DYNC2H1: variants seen among roughly 807,000 people sequenced by gnomAD.
DYNC2H1 encodes cytoplasmic dynein 2 heavy chain 1.
In DYNC2H1, 410 loss-of-function variants were observed where a neutral mutation model predicts 570.0. The ratio of observed to expected loss-of-function variants is 0.72; its 90% CI spans 0.66 to 0.78. The LOEUF is 0.78. DYNC2H1 is among the 30% of genes least tolerant of loss of function. DYNC2H1 has a pLI of 0.00. For missense variants in DYNC2H1, 4,865 were observed against 5,046.4 expected (o/e 0.96, Z 1.09); for synonymous variants, 1,688 against 1,677.6 (o/e 1.01, Z -0.15).
Position 103,187,420 on chromosome 11 carries a change from G to A in DYNC2H1, c.6974G>A (p.Arg2325Gln). 3.1e-6 allele frequency: 5 copies of A among 1,613,196 alleles called. No individual in the cohort carries two copies. The highest frequency in any genetic ancestry group is 2.2e-5 in the South Asian group (2 of 91,068). ...TVHCSAQTTS[R>Q]HLLQKLSQTC... ...CACTGTAGTGCACAAACCACTTCTC[G>A]ACATCTCCTGCAGAAACTGAGCCAG... Residue 2325 changes from arginine (R) to glutamine (Q), a missense_variant, in exon 43 of 89, where the codon CGA becomes CAA. Around this residue, in one of 5 missense-constraint regions of DYNC2H1, gnomAD observed 2,401 missense variants for 2,454.6 expected, o/e 0.98. Coordinates refer to ENST00000375735, the MANE Select transcript of DYNC2H1 (RefSeq NM_001377.3).
intron 87 of DYNC2H1, among the ~76,000 whole-genome samples, chr11:103,458,842 G>T (rs572327539): frequency 6.6e-6 from 1 of 151,844 alleles, no homozygotes; most frequent in Admixed American, 6.5e-5. Flanking sequence ...TCTTTACATA[G>T]AATTGCCCTC....
chr11:103,310,270 C>T (rs1222381200), intron 78 of DYNC2H1, among the ~76,000 whole-genome samples: 8 of 151,514 alleles, frequency 5.3e-5, no homozygotes, highest in Non-Finnish European at 1.0e-4. Context: ...GATTTTTTCT[C>T]GTTTTCTTCT....
At chr11:103,225,213 C>T (rs1224849512) in intron 59 of DYNC2H1, among the ~76,000 whole-genome samples, 2 of 151,570 alleles carry the variant, frequency 1.3e-5, no homozygotes, top group African/African-American at 2.4e-5. Flanking sequence ...TCTGTTAACT[C>T]CGCTGATTAT....
intron 85 of DYNC2H1, among the ~76,000 whole-genome samples, chr11:103,437,840 C>T (rs1020832041): frequency 2.0e-5 from 3 of 152,000 alleles, no homozygotes; most frequent in East Asian, 1.9e-4. Flanking sequence ...TATGTAAGTA[C>T]ACTTAATAAC....
In DYNC2H1 at chr11:103,244,749, A is replaced by G. The variant is rs531763413; in HGVS notation, c.9919-502A>G. Among the ~76,000 whole-genome samples, 7 of 148,288 alleles carry G rather than the reference A, an allele frequency of 4.7e-5. No homozygotes were observed. The South Asian group carries it at 1.3e-3, about 27-fold the overall frequency. ...ATACATATAAGTATATAAATATACT[A>G]TATATATCTATAGTTACAGTTATAT... On this transcript the variant is annotated intron_variant, in intron 64 of 88. Coordinates refer to ENST00000375735, the MANE Select transcript of DYNC2H1 (RefSeq NM_001377.3). The surrounding 1 kb of genome is among the most constrained non-coding windows in gnomAD (Gnocchi z 4.3).
chr11:103,229,885 A>C (rs902077059), intron 59 of DYNC2H1, among the ~76,000 whole-genome samples: 1 of 152,184 alleles, frequency 6.6e-6, no homozygotes, highest in Non-Finnish European at 1.5e-5. Flanking sequence ...CTAGACTAGA[A>C]ATAGTTTTAG....
chr11:103,120,905 CTTATT>C lies in DYNC2H1; in HGVS notation c.1249-10_1249-6del. On this transcript the variant is annotated splice_polypyrimidine_tract_variant and intron_variant, in intron 8 of 88. Transcript: ENST00000375735. ...GTTGATCCGTTGGGATGAACATGTA[CTTATT>C]TTATTTTATATTAGCTTCTTCAAGC... 4 of 1,377,192 alleles carry C rather than the reference CTTATT, an allele frequency of 2.9e-6. No individual in the cohort carries two copies. The highest frequency in any genetic ancestry group is 3.8e-6 in the Non-Finnish European group (4 of 1,051,848). The allele number at this position is 1,377,192 out of a possible 1,614,324, so 85.3% of individuals were successfully genotyped here.
intron 1 of DYNC2H1, among the ~76,000 whole-genome samples, 189 bp from the exon 2 acceptor site, chr11:103,113,348 G>A (rs1858204988): frequency 6.6e-6 from 1 of 152,278 alleles, no homozygotes; most frequent in African/African-American, 2.4e-5. Context: ...ATGATCTAAT[G>A]TAAGTGGGAA....
intron 70 of DYNC2H1, among the ~76,000 whole-genome samples, chr11:103,267,159 CACTT>C (rs1161932959): frequency 2.0e-5 from 3 of 152,118 alleles, no homozygotes; most frequent in East Asian, 1.9e-4. Context: ...CGGTTCAACT[CACTT>C]AGTCCCCAGA....
intron 83 of DYNC2H1, among the ~76,000 whole-genome samples, chr11:103,365,333 C>A (rs1433006793): frequency 6.6e-6 from 1 of 151,286 alleles, no homozygotes; most frequent in African/African-American, 2.4e-5. Flanking sequence ...TGCACTCCAG[C>A]CTGGGCAACA....
chr11:103,227,641 T>C (rs1356939348), intron 59 of DYNC2H1, among the ~76,000 whole-genome samples: 1 of 152,182 alleles, frequency 6.6e-6, no homozygotes, highest in East Asian at 1.9e-4. Flanking sequence ...TGCTGATGAA[T>C]AGAATGTATA....
In DYNC2H1 at chr11:103,163,999, C is replaced by T. The variant is rs538754029; in HGVS notation, c.4611+852C>T. On this transcript the variant is annotated intron_variant, in intron 30 of 88. Coordinates refer to ENST00000375735, the MANE Select transcript of DYNC2H1 (RefSeq NM_001377.3). This position sits in a 1 kb window ranked among gnomAD's most constrained non-coding sequence, Gnocchi z 4.6. ...ATTTGTATCTTTTTTCATTTTAAGG[C>T]AAACTGAAATGTTTCAAAAAAGCTC... Among the ~76,000 whole-genome samples, 124 of 152,176 alleles carry T rather than the reference C, an allele frequency of 8.1e-4. No homozygotes were observed. The highest frequency in any genetic ancestry group is 3.0e-3 in the African/African-American group (123 of 41,504).
rs777024913 is a variant in DYNC2H1 at position 103,115,605 on chromosome 11, C to T, written c.621+310C>T. ...TTGAGGTCAGGAGTTCGAGACCAGC[C>T]TGGCCAACACGGTGAAACCTCGTCT... On this transcript the variant is annotated intron_variant, in intron 4 of 88. Coordinates refer to ENST00000375735, the MANE Select transcript of DYNC2H1 (RefSeq NM_001377.3). Among the ~76,000 whole-genome samples the T allele has an allele frequency of 2.6e-4, 39 of 152,084 alleles. 1 individual carries two copies. The highest frequency in any genetic ancestry group is 4.7e-4 in the Non-Finnish European group (32 of 68,002).
intron 8 of DYNC2H1, 37 bp from the exon 9 acceptor site, chr11:103,120,888 G>A (rs1416856212): frequency 4.0e-6 from 5 of 1,263,180 alleles, no homozygotes; most frequent in East Asian, 3.0e-5. Context: ...GAGTTGATCC[G>A]TTGGGATGAA....
At chr11:103,412,083 T>G (rs762064460) in intron 84 of DYNC2H1, among the ~76,000 whole-genome samples, 1 of 152,138 alleles carries the variant, frequency 6.6e-6, no homozygotes, top group South Asian at 2.1e-4. Flanking sequence ...ACATTTACTT[T>G]CTAATGAGTT....
intron 73 of DYNC2H1, among the ~76,000 whole-genome samples, chr11:103,284,037 T>C (rs1376904447): frequency 3.3e-5 from 5 of 152,114 alleles, no homozygotes; most frequent in Non-Finnish European, 7.4e-5. Context: ...CCCTGCAAAG[T>C]TGGTTTAGTG....
At chr11:103,420,874 A>G (rs1409117640) in intron 84 of DYNC2H1, among the ~76,000 whole-genome samples, 1 of 152,206 alleles carries the variant, frequency 6.6e-6, no homozygotes, top group Admixed American at 6.5e-5. Context: ...GTCACACATA[A>G]CAGTACTAAT....
At chr11:103,211,722 A>C in intron 53 of DYNC2H1, 67 bp from the exon 54 acceptor site, 1 of 624,106 alleles carries the variant, frequency 1.6e-6, no homozygotes, top group Non-Finnish European at 2.5e-6. Context: ...TATCATTAGG[A>C]TATTTTCTCT....
chr11:103,320,939 A>C, intron 80 of DYNC2H1, 90 bp from the exon 81 acceptor site: 1 of 936,090 alleles, frequency 1.1e-6, no homozygotes, highest in East Asian at 2.7e-5. Flanking sequence ...TATTAAATAC[A>C]TTTGGCTACA....
Sources: gnomAD v4.1 joint callset for allele counts (sites outside exome capture counted in the v4.1 genomes callset) on GRCh38, gnomAD v4.1.1 for gene constraint, gnomAD v4.1.1 regional missense constraint, Gnocchi (gnomAD v3.1) non-coding constraint, MANE v1.5 for transcripts, NCBI Gene and HGNC (gene_info 2026-07-23, HGNC 2026-07-21) for gene names.